LSAMP: variants seen among roughly 807,000 people sequenced by gnomAD.
LSAMP encodes the protein limbic system-associated membrane protein.
Under a neutral mutation model 38.6 loss-of-function variants are expected in LSAMP, and 7 were observed. That is an observed-to-expected ratio of 0.18 (90% CI 0.10 to 0.34). The LOEUF is 0.34. Among genes scored for constraint, LSAMP ranks in the 10% least tolerant of loss-of-function variants. LSAMP has a pLI of 1.00. For missense variants in LSAMP, 313 were observed against 420.0 expected (o/e 0.75, Z 2.23); for synonymous variants, 154 against 166.8 (o/e 0.92, Z 0.59).
At chr3:116,336,482 A>C (rs1276407438) in intron 1 of LSAMP, among the ~76,000 whole-genome samples, 1 of 152,054 alleles carries the variant, frequency 6.6e-6, no homozygotes, top group Admixed American at 6.6e-5. Flanking sequence ...AGCAGTGGCT[A>C]ATAAGCACGT....
intron 1 of LSAMP, among the ~76,000 whole-genome samples, chr3:116,340,985 G>T (rs1216818260): frequency 6.6e-6 from 1 of 151,890 alleles, no homozygotes; most frequent in Non-Finnish European, 1.5e-5. Flanking sequence ...TATAAAAGAA[G>T]TTGATACAAT....
intron 1 of LSAMP, among the ~76,000 whole-genome samples, chr3:116,403,807 G>T (rs1220110134): frequency 6.6e-6 from 1 of 151,684 alleles, no homozygotes; most frequent in African/African-American, 2.4e-5. Flanking sequence ...TTGGAGTGCA[G>T]GGGGGGTGAT....
rs1933645752 is a variant in LSAMP, at chr3:115,807,017, A to G, written c.*3300T>C. 1 of 152,202 alleles carries G rather than the reference A, an allele frequency of 6.6e-6. No individual in the cohort carries two copies. The highest frequency in any genetic ancestry group is 1.5e-5 in the Non-Finnish European group (1 of 68,038). 9.4% of individuals were successfully genotyped at this position (152,202 alleles called of 1,614,324 possible). ...ACTTTGTATACAAAGGATATTAAATATATTAGCCACTCAGATTAATTGATG... is the reference window on the plus strand; with the variant it reads ...ACTTTGTATACAAAGGATATTAAATGTATTAGCCACTCAGATTAATTGATG... On this transcript the variant is annotated 3_prime_UTR_variant, in exon 7 of 7. Transcript: ENST00000490035.
chr3:116,090,756 A>G (rs1708104300), intron 1 of LSAMP, among the ~76,000 whole-genome samples: 1 of 152,164 alleles, frequency 6.6e-6, no homozygotes, highest in South Asian at 2.1e-4. Context: ...AAAAACCAGC[A>G]AGTTTTTATT....
At chr3:116,076,438 T>C (rs760103226) in intron 2 of LSAMP, among the ~76,000 whole-genome samples, 10 of 152,032 alleles carry the variant, frequency 6.6e-5, no homozygotes, top group Non-Finnish European at 1.2e-4. Flanking sequence ...TTTGTATTTT[T>C]AGTAGAGATG....
chr3:116,442,331 T>A (rs1224254487), intron 1 of LSAMP, among the ~76,000 whole-genome samples: 1 of 152,060 alleles, frequency 6.6e-6, no homozygotes, highest in Non-Finnish European at 1.5e-5. Flanking sequence ...CTAAGAGAAT[T>A]ATTTTTTTCT....
At chr3:116,404,328 A>G (rs1553732032) in intron 1 of LSAMP, among the ~76,000 whole-genome samples, 1 of 152,148 alleles carries the variant, frequency 6.6e-6, no homozygotes, top group Non-Finnish European at 1.5e-5. Context: ...GCTTCAGAAA[A>G]TATTACTTTT....
intron 3 of LSAMP, among the ~76,000 whole-genome samples, chr3:115,984,127 T>C (rs1939442986): frequency 6.6e-6 from 1 of 152,026 alleles, no homozygotes. Context: ...AAGTCACAGC[T>C]TAGAATCAAG....
intron 1 of LSAMP, among the ~76,000 whole-genome samples, chr3:116,324,731 T>G (rs2107733901): frequency 6.6e-6 from 1 of 152,268 alleles, no homozygotes. Context: ...GGAATTATTT[T>G]TCTCTTCTTC....
At chr3:116,343,355 C>T (rs1392698437) in intron 1 of LSAMP, among the ~76,000 whole-genome samples, 3 of 152,080 alleles carry the variant, frequency 2.0e-5, no homozygotes, top group Admixed American at 6.6e-5. Context: ...TAAAAACCCA[C>T]CCTAGATCTG....
intron 1 of LSAMP, among the ~76,000 whole-genome samples, chr3:116,350,747 TAATAAG>T (rs1262613623): frequency 1.3e-5 from 2 of 151,996 alleles, no homozygotes; most frequent in Non-Finnish European, 2.9e-5. Context: ...GTTCTTTACT[TAATAAG>T]AGAAGAAAAA....
At chr3:116,208,713 G>GGGGGTCA (rs559515796) in intron 1 of LSAMP, among the ~76,000 whole-genome samples, 1 of 146,916 alleles carries the variant, frequency 6.8e-6, no homozygotes, top group Non-Finnish European at 1.5e-5. Context: ...TAGGCTGCTC[G>GGGGGTCA]GGGGTCAGGG....
At chr3:116,275,654 G>T (rs13073491) in intron 1 of LSAMP, among the ~76,000 whole-genome samples, 35,998 of 151,846 alleles carry the variant, frequency 0.24, 7,453 homozygotes, top group African/African-American at 0.56. Flanking sequence ...CTTCCCAGAC[G>T]TTTGCAGGCG....
intron 2 of LSAMP, among the ~76,000 whole-genome samples, chr3:116,020,941 C>G (rs547490216): frequency 2.0e-5 from 3 of 152,058 alleles, no homozygotes; most frequent in African/African-American, 2.4e-5. Context: ...ACGAATAAAA[C>G]AGGAACATTT....
chr3:116,373,893 T>C (rs2048462819), intron 1 of LSAMP, among the ~76,000 whole-genome samples: 1 of 151,878 alleles, frequency 6.6e-6, no homozygotes, highest in Non-Finnish European at 1.5e-5. Context: ...TTCTCACATA[T>C]CAAGGCAATG....
chr3:116,114,987 TTTA>T (rs1279239612), intron 1 of LSAMP, among the ~76,000 whole-genome samples: 1 of 152,222 alleles, frequency 6.6e-6, no homozygotes. Flanking sequence ...TCAATAGGAT[TTTA>T]TGAAGTGGAA....
At chr3:115,904,828 G>T (rs1333399904) in intron 3 of LSAMP, among the ~76,000 whole-genome samples, 1 of 152,076 alleles carries the variant, frequency 6.6e-6, no homozygotes, top group Non-Finnish European at 1.5e-5. Flanking sequence ...TTTAAAAGAT[G>T]CCTCTGATTT....
At chr3:115,867,407 A>T (rs934280182) in intron 3 of LSAMP, among the ~76,000 whole-genome samples, 1 of 152,098 alleles carries the variant, frequency 6.6e-6, no homozygotes, top group Non-Finnish European at 1.5e-5. Flanking sequence ...AAACTTCACA[A>T]TTTCAAGATG....
At chr3:115,955,345 T>C (rs1938422167) in intron 3 of LSAMP, among the ~76,000 whole-genome samples, 1 of 152,208 alleles carries the variant, frequency 6.6e-6, no homozygotes, top group East Asian at 1.9e-4. Context: ...TTATAATTTG[T>C]TTTTCCCTCA....
Sources: gnomAD v4.1 joint callset for allele counts (sites outside exome capture counted in the v4.1 genomes callset) on GRCh38, gnomAD v4.1.1 for gene constraint, MANE v1.5 for transcripts, NCBI Gene and HGNC (gene_info 2026-07-23, HGNC 2026-07-21) for gene names.